PTPRD: variants seen among roughly 807,000 people sequenced by gnomAD.
The protein encoded by PTPRD is protein tyrosine phosphatase receptor type D.
PTPRD carries 34 observed loss-of-function variants against 214.5 expected under a neutral mutation model. The observed-to-expected ratio is 0.16, with a 90% CI of 0.12 to 0.21. PTPRD has a LOEUF of 0.21. Among genes scored for constraint, PTPRD ranks in the 10% least tolerant of loss-of-function variants. The probability of loss-of-function intolerance (pLI) is 1.00; values close to 1 mark genes in which losing one functional copy is unlikely to be tolerated. For missense variants in PTPRD, 2,545 were observed against 2,398.7 expected (o/e 1.06, Z -1.27); for synonymous variants, 1,128 against 845.7 (o/e 1.33, Z -5.79).
At chr9:9,303,013 G>T (rs1955986611) in intron 9 of PTPRD, among the ~76,000 whole-genome samples, 1 of 151,834 alleles carries the variant, frequency 6.6e-6, no homozygotes, top group Admixed American at 6.6e-5. Context: ...TATACTGCTT[G>T]TCAGTAAATA....
intron 11 of PTPRD, among the ~76,000 whole-genome samples, chr9:8,996,720 T>C (rs908514216): frequency 1.3e-5 from 2 of 152,052 alleles, no homozygotes; most frequent in African/African-American, 4.8e-5. Flanking sequence ...TTCAAGCCTC[T>C]TTTATAAGGA....
intron 10 of PTPRD, among the ~76,000 whole-genome samples, chr9:9,176,391 A>C (rs1592959876): frequency 6.6e-6 from 1 of 152,088 alleles, no homozygotes; most frequent in Non-Finnish European, 1.5e-5. Context: ...AGGCTGAAAA[A>C]CCATTCACTT....
intron 14 of PTPRD, among the ~76,000 whole-genome samples, chr9:8,595,212 TA>T (rs1445469286): frequency 6.6e-6 from 1 of 151,576 alleles, no homozygotes; most frequent in East Asian, 1.9e-4. Flanking sequence ...TAAAAAACTT[TA>T]AGTCAAAATG....
intron 11 of PTPRD, among the ~76,000 whole-genome samples, chr9:8,992,437 T>C (rs970632846): frequency 1.3e-5 from 2 of 152,160 alleles, no homozygotes; most frequent in Non-Finnish European, 2.9e-5. Flanking sequence ...AGTACTCTAA[T>C]TGGGACTATT....
chr9:9,397,387 C>T (rs2068306941), intron 9 of PTPRD, 62 bp downstream of exon 9: 1 of 152,280 alleles, frequency 6.6e-6, no homozygotes, highest in African/African-American at 2.4e-5. Context: ...TAAAATAAAA[C>T]CTTTAGAATA....
chr9:8,451,732 C>G (rs1220991126), intron 33 of PTPRD, among the ~76,000 whole-genome samples: 3 of 152,168 alleles, frequency 2.0e-5, no homozygotes, highest in Admixed American at 6.5e-5. Context: ...ATGTTTTGAT[C>G]ATTTTGCATA....
chr9:9,332,203 C>T (rs1595906731), intron 9 of PTPRD, among the ~76,000 whole-genome samples: 1 of 151,850 alleles, frequency 6.6e-6, no homozygotes, highest in East Asian at 1.9e-4. Context: ...TATGTGCTTG[C>T]TTTCCTCTGA....
intron 2 of PTPRD, among the ~76,000 whole-genome samples, chr9:10,457,159 G>A (rs749934325): frequency 1.8e-4 from 28 of 151,874 alleles, no homozygotes; most frequent in Non-Finnish European, 3.8e-4. Flanking sequence ...TAGAGCTGGA[G>A]TTTCAGTAAC....
In PTPRD at chr9:9,593,207, G is replaced by T. The variant is rs200556861; in HGVS notation, c.-286-18426C>A. Reference sequence around the variant, plus strand: ...TTTTTACCAGTTTTGTTTTTTTTTTGTTTTTGTTTTTCCCCCCCCTCAAAG... The same window carrying T: ...TTTTTACCAGTTTTGTTTTTTTTTTTTTTTTGTTTTTCCCCCCCCTCAAAG... On this transcript the variant is annotated intron_variant, in intron 7 of 45. Coordinates refer to ENST00000381196, the MANE Select transcript of PTPRD (RefSeq NM_002839.4). Among the ~76,000 whole-genome samples, 310 of 146,244 alleles carry T rather than the reference G, an allele frequency of 2.1e-3. 1 individual carries two copies. The highest frequency in any genetic ancestry group is 7.0e-3 in the Admixed American group (103 of 14,682).
chr9:9,463,231 C>T (rs1179537917), intron 8 of PTPRD, among the ~76,000 whole-genome samples: 1 of 152,146 alleles, frequency 6.6e-6, no homozygotes, highest in Non-Finnish European at 1.5e-5. Flanking sequence ...CTTTAAGAAT[C>T]AGGCAGCTAG....
intron 2 of PTPRD, among the ~76,000 whole-genome samples, chr9:10,609,998 A>T (rs2080527931): frequency 6.6e-6 from 1 of 152,136 alleles, no homozygotes; most frequent in South Asian, 2.1e-4. Context: ...AAGAGGAATT[A>T]ATCATTCATT....
At chr9:10,503,043 G>A (rs1410304348) in intron 2 of PTPRD, among the ~76,000 whole-genome samples, 1 of 151,426 alleles carries the variant, frequency 6.6e-6, no homozygotes, top group African/African-American at 2.4e-5. Context: ...TTTTCCTTTA[G>A]AATGTCAATT....
chr9:8,640,430 T>C (rs1402371926), intron 12 of PTPRD, among the ~76,000 whole-genome samples: 2 of 151,890 alleles, frequency 1.3e-5, no homozygotes, highest in Non-Finnish European at 2.9e-5. Context: ...GACCAAGTCA[T>C]GGAATGAAAT....
chr9:9,337,037 T>C (rs1222939485), intron 9 of PTPRD, among the ~76,000 whole-genome samples: 4 of 152,078 alleles, frequency 2.6e-5, no homozygotes, highest in Non-Finnish European at 5.9e-5. Flanking sequence ...AAATACATTG[T>C]CAAAAATTTT....
chr9:10,406,714 G>A (rs556798486), intron 2 of PTPRD, among the ~76,000 whole-genome samples: 1 of 151,534 alleles, frequency 6.6e-6, no homozygotes, highest in Non-Finnish European at 1.5e-5. Flanking sequence ...CTCTAAAGGT[G>A]GTTTCAATTT....
intron 12 of PTPRD, among the ~76,000 whole-genome samples, chr9:8,694,134 T>C (rs893914999): frequency 1.3e-5 from 2 of 152,218 alleles, no homozygotes; most frequent in Non-Finnish European, 2.9e-5. Flanking sequence ...TGATGGGATG[T>C]ATTTTAAATA....
intron 2 of PTPRD, among the ~76,000 whole-genome samples, chr9:10,509,121 T>G (rs1247764735): frequency 6.6e-6 from 1 of 152,126 alleles, no homozygotes; most frequent in Non-Finnish European, 1.5e-5. Flanking sequence ...AATAAATATC[T>G]ATGCACATAT....
chr9:9,453,743 T>C (rs1282341813), intron 8 of PTPRD, among the ~76,000 whole-genome samples: 1 of 151,700 alleles, frequency 6.6e-6, no homozygotes, highest in Non-Finnish European at 1.5e-5. Flanking sequence ...TAATCTGACA[T>C]TTTTGGATTT....
chr9:10,456,966 T>C (rs1339655025), intron 2 of PTPRD, among the ~76,000 whole-genome samples: 2 of 151,988 alleles, frequency 1.3e-5, no homozygotes, highest in African/African-American at 4.8e-5. Context: ...TTATATGAAG[T>C]ACTGTATACT....
Sources: gnomAD v4.1 joint callset for allele counts (sites outside exome capture counted in the v4.1 genomes callset) on GRCh38, gnomAD v4.1.1 for gene constraint, MANE v1.5 for transcripts, NCBI Gene and HGNC (gene_info 2026-07-23, HGNC 2026-07-21) for gene names.